The following LAMB4 variants were observed in gnomAD, a reference collection of about 807,000 sequenced individuals.
LAMB4 encodes laminin subunit beta-4.
In LAMB4, 196 loss-of-function variants were observed where a neutral mutation model predicts 199.2. The ratio of observed to expected loss-of-function variants is 0.98; its 90% CI spans 0.88 to 1.11. The LOEUF (loss-of-function observed/expected upper bound fraction) is 1.11, where lower values mean the gene tolerates loss of function less well. LAMB4 is among the 50% of genes least tolerant of loss of function. LAMB4 has a pLI of 0.00. For synonymous variants in LAMB4, 744 were observed against 770.6 expected, an observed-to-expected ratio of 0.97 and a Z score of 0.57; for missense variants, 2,080 against 2,171.2, an observed-to-expected ratio of 0.96 and a Z score of 0.83.
intron 11 of LAMB4, 29 bp from the exon 12 acceptor site, chr7:108,095,366 C>T: frequency 6.8e-7 from 1 of 1,481,162 alleles, no homozygotes; most frequent in Non-Finnish European, 9.4e-7. Context: ...CAATTATTCT[C>T]ATTCTTAATT....
chr7:108,034,858 C>G (rs1253343288), intron 30 of LAMB4, among the ~76,000 whole-genome samples: 1 of 152,122 alleles, frequency 6.6e-6, no homozygotes, highest in East Asian at 1.9e-4. Context: ...CACAAGCATT[C>G]CAAGTGATAA....
chr7:108,041,584 A>G (rs34900124), intron 29 of LAMB4, among the ~76,000 whole-genome samples: 17,095 of 152,242 alleles, frequency 0.11, 1,515 homozygotes, highest in African/African-American at 0.24. Context: ...ATGAGATCTT[A>G]TCCTTTGCCA....
intron 23 of LAMB4, among the ~76,000 whole-genome samples, chr7:108,059,056 T>C (rs1361745690): frequency 6.6e-6 from 1 of 151,574 alleles, no homozygotes; most frequent in African/African-American, 2.4e-5. Flanking sequence ...ATTGACCCAA[T>C]TGTTGGGCAG....
rs367618074 is a variant in LAMB4, at chr7:108,037,626, A to T, written c.4472-31T>A. ...ATAAGAAGCAGGGTTTTAGGTAATCATGTCTCCTTAACAAACACTGTATCT... is the reference window on the plus strand; with the variant it reads ...ATAAGAAGCAGGGTTTTAGGTAATCTTGTCTCCTTAACAAACACTGTATCT... On this transcript the variant is annotated intron_variant, in intron 29 of 33. Transcript: ENST00000388781. 7.3e-6 allele frequency: 11 copies of T among 1,514,022 alleles called. No homozygotes were observed. The South Asian group carries it at 1.1e-4, about 15-fold the overall frequency. 93.8% of individuals were successfully genotyped at this position (1,514,022 alleles called of 1,614,324 possible).
intron 11 of LAMB4, among the ~76,000 whole-genome samples, chr7:108,096,661 G>A (rs2150627530): frequency 6.6e-6 from 1 of 151,824 alleles, no homozygotes; most frequent in East Asian, 1.9e-4. Flanking sequence ...GCTGGGCACA[G>A]TGGCTTATGT....
Position 108,103,132 on chromosome 7 carries a change from G to A in LAMB4, c.1092C>T (p.His364=), listed in dbSNP as rs774104406. 3 of 1,613,478 alleles carry A rather than the reference G, an allele frequency of 1.9e-6. No individual in the cohort carries two copies. The African/African-American group carries it at 4.0e-5, about 22-fold the overall frequency. ...GGTCGCAGTGCTGCCCCTCAGTGTT[G>A]TGCTGGCAGTCTTCACACACGCCCC... ...LSGGVCEDCQ[H]NTEGQHCDRC... is the part of the protein sequence containing the mutation. Residue 364 remains histidine, a synonymous_variant, in exon 10 of 34, where the codon CAC becomes CAT. Transcript: ENST00000388781.
In LAMB4 at chr7:108,111,889, G is replaced by A. The variant is rs373499965; in HGVS notation, c.250C>T (p.Pro84Ser). Residue 84 changes from proline (P) to serine (S), a missense_variant, in exon 4 of 34, where the codon CCC (proline) becomes TCC (serine). Transcript: ENST00000388781. Reference protein sequence around the residue: ...SRFPYDPYDQPNSHTIENVIV... With the variant: ...SRFPYDPYDQSNSHTIENVIV... ...ACATTCTCAATGGTGTGGCTGTTGGGTTGGTCATACGGATCATATGGAAAT... is the reference window on the plus strand; with the variant it reads ...ACATTCTCAATGGTGTGGCTGTTGGATTGGTCATACGGATCATATGGAAAT... The A allele has an allele frequency of 1.2e-6, 2 of 1,612,206 alleles. No homozygotes were observed. Among genetic ancestry groups the A allele is most frequent in the African/African-American group, 2.7e-5 (2 of 74,850 alleles).
At chr7:108,046,525 C>T (rs1018928573) in intron 28 of LAMB4, among the ~76,000 whole-genome samples, 3 of 151,690 alleles carry the variant, frequency 2.0e-5, no homozygotes, top group Non-Finnish European at 4.4e-5. Context: ...AAAAAAGAAA[C>T]AGATTGGGGA....
At chr7:108,123,627 A>G (rs527619999) in intron 1 of LAMB4, among the ~76,000 whole-genome samples, 1 of 152,316 alleles carries the variant, frequency 6.6e-6, no homozygotes, top group Admixed American at 6.5e-5. Context: ...TGATTGCACC[A>G]CTGCACTCCA....
In LAMB4 at chr7:108,037,509, C is replaced by T. The variant is rs201217649; in HGVS notation, c.4558G>A (p.Asp1520Asn). 6.8e-6 allele frequency: 11 copies of T among 1,613,950 alleles called. No individual in the cohort carries two copies. In the East Asian group the frequency reaches 8.9e-5, roughly 13 times the overall value. The change falls in exon 30 of 34, where the codon GAT (aspartate) becomes AAT (asparagine). Residue 1520 changes from aspartate to asparagine, a missense_variant. Transcript: ENST00000388781. ...TGTTTCTGTATTTTGACAAGTTCAT[C>T]GGTTAGATTTTGGGATGGAATTGGT... ...HLPIPSQNLT[D>N]ELVKIQKHMQ...
chr7:108,062,752 A>G, intron 23 of LAMB4, 22 bp downstream of exon 23: 1 of 1,330,774 alleles, frequency 7.5e-7, no homozygotes, highest in Non-Finnish European at 9.9e-7. Context: ...TGAGTGCACT[A>G]GTAAGCTTTA....
At position 108,079,785 on chromosome 7, in the gene LAMB4, C is replaced by A; in HGVS notation, c.1703G>T (p.Gly568Val). Residue 568 changes from glycine to valine, a missense_variant and splice_region_variant, in exon 15 of 34, where the codon GGC becomes GTC. Gly to Val is a moderately radical substitution (Grantham distance 109). Transcript: ENST00000388781. The part of the protein sequence containing the change: ...ATTLQGLAPL[G>V]SETFGQSPAV... ...AGGACTCTGGCCAAACGTCTCCGAG[C>A]CCTAAAATGGGAGAGGAATGTAAAT... The A allele has an allele frequency of 1.3e-6, 2 of 1,569,916 alleles. No individual in the cohort carries two copies. Among genetic ancestry groups the A allele is most frequent in the South Asian group, 1.2e-5 (1 of 82,992 alleles).
intron 20 of LAMB4, 47 bp from the exon 21 acceptor site, chr7:108,065,966 A>G: frequency 6.4e-7 from 1 of 1,566,638 alleles, no homozygotes; most frequent in Non-Finnish European, 8.7e-7. Context: ...GGAAAAGATC[A>G]CATGTTAGCC....
At chr7:108,064,735 A>G (rs1009595371) in intron 21 of LAMB4, among the ~76,000 whole-genome samples, 9 of 152,176 alleles carry the variant, frequency 5.9e-5, no homozygotes, top group African/African-American at 1.7e-4. Flanking sequence ...TTAACCTTAG[A>G]TGTAACAAAT....
intron 1 of LAMB4, among the ~76,000 whole-genome samples, chr7:108,129,247 C>G (rs1349362444): frequency 1.3e-5 from 2 of 152,188 alleles, no homozygotes; most frequent in African/African-American, 2.4e-5. Context: ...AAGAGCCTCT[C>G]CGCAGGAAAG....
At chr7:108,038,492 T>C (rs987518317) in intron 29 of LAMB4, among the ~76,000 whole-genome samples, 1 of 152,170 alleles carries the variant, frequency 6.6e-6, no homozygotes, top group Non-Finnish European at 1.5e-5. Context: ...TGCTCTACTT[T>C]CCAGAAAAGT....
chr7:108,097,602 G>C (rs935305118), intron 11 of LAMB4, among the ~76,000 whole-genome samples: 1 of 152,160 alleles, frequency 6.6e-6, no homozygotes, highest in African/African-American at 2.4e-5. Context: ...TGGCTAACAC[G>C]GTGAAACCCC....
chr7:108,061,465 G>A (rs946583605), intron 23 of LAMB4, among the ~76,000 whole-genome samples: 4 of 152,100 alleles, frequency 2.6e-5, no homozygotes, highest in Admixed American at 6.5e-5. Flanking sequence ...GGGGCTGGGC[G>A]TCGTGGCTCA....
In LAMB4 at chr7:108,076,924, C is replaced by T. The variant is rs2036723640; in HGVS notation, c.2124+20G>A. ...TGCTTAGTAGCGAAGAAAGCACCCA[C>T]AAAACTCTGTGATACTTACAGAGTC... is the stretch of plus-strand genomic sequence containing the variant. On this transcript the variant is annotated intron_variant, in intron 17 of 33. Transcript: ENST00000388781. 6.2e-7 allele frequency: 1 copy of T among 1,613,100 alleles called. No individual in the cohort carries two copies. The highest frequency in any genetic ancestry group is 1.7e-5 in the Admixed American group (1 of 59,944).
Sources: gnomAD v4.1 joint callset for allele counts (sites outside exome capture counted in the v4.1 genomes callset) on GRCh38, gnomAD v4.1.1 for gene constraint, MANE v1.5 for transcripts, NCBI Gene and HGNC (gene_info 2026-07-23, HGNC 2026-07-21) for gene names.